Variants in ROBO2 observed in about 807,000 individuals in gnomAD.
The protein encoded by ROBO2 is roundabout guidance receptor 2.
In ROBO2, 53 loss-of-function variants were observed where a neutral mutation model predicts 160.8. The ratio of observed to expected loss-of-function variants is 0.33; its 90% CI spans 0.26 to 0.41. The LOEUF (loss-of-function observed/expected upper bound fraction) is 0.41, where lower values mean the gene tolerates loss of function less well. ROBO2 is among the 10% of genes least tolerant of loss of function. ROBO2 has a pLI of 1.00. For synonymous variants in ROBO2, 664 were observed against 611.7 expected (o/e 1.09, Z -1.26); for missense variants, 1,577 against 1,722.4 (o/e 0.92, Z 1.49).
chr3:76,252,668 A>G (rs1359512491), intron 2 of ROBO2, among the ~76,000 whole-genome samples: 7 of 151,940 alleles, frequency 4.6e-5, no homozygotes, highest in African/African-American at 9.7e-5. Flanking sequence ...TGAGAAGCAT[A>G]TATGTATATA....
intron 2 of ROBO2, among the ~76,000 whole-genome samples, chr3:76,669,958 G>A (rs1268951705): frequency 3.3e-5 from 5 of 152,026 alleles, no homozygotes; most frequent in African/African-American, 7.2e-5. Flanking sequence ...TTTCTCAAAT[G>A]TGCTTCTTAC....
chr3:76,251,176 A>T (rs928884759), intron 2 of ROBO2, among the ~76,000 whole-genome samples: 1 of 152,062 alleles, frequency 6.6e-6, no homozygotes, highest in Non-Finnish European at 1.5e-5. Flanking sequence ...GTAACTGAAG[A>T]TAGATGACCA....
intron 2 of ROBO2, among the ~76,000 whole-genome samples, chr3:76,671,382 C>G (rs962278648): frequency 3.3e-5 from 5 of 152,096 alleles, no homozygotes; most frequent in African/African-American, 1.2e-4. Context: ...AAACTTACCT[C>G]TTTTTTAATA....
chr3:76,626,746 G>T (rs1393116645), intron 2 of ROBO2, among the ~76,000 whole-genome samples: 2 of 151,782 alleles, frequency 1.3e-5, no homozygotes, highest in African/African-American at 4.8e-5. Flanking sequence ...AGGCTGGAGT[G>T]CAGTGGCGTG....
chr3:76,753,293 A>G (rs994187231), intron 2 of ROBO2, among the ~76,000 whole-genome samples: 1 of 151,926 alleles, frequency 6.6e-6, no homozygotes, highest in East Asian at 1.9e-4. Context: ...AAAGTTTTAA[A>G]ATATTTTAAA....
intron 2 of ROBO2, among the ~76,000 whole-genome samples, chr3:76,487,907 A>C (rs998275313): frequency 1.3e-5 from 2 of 152,188 alleles, no homozygotes; most frequent in Admixed American, 1.3e-4. Context: ...CACCAGCAAG[A>C]GAGACTCTCT....
At chr3:77,413,422 C>T (rs1392721418) in intron 2 of ROBO2, among the ~76,000 whole-genome samples, 1 of 152,026 alleles carries the variant, frequency 6.6e-6, no homozygotes, top group Non-Finnish European at 1.5e-5. Flanking sequence ...TGAGCAGGGG[C>T]CAGGTCATGG....
At chr3:76,836,817 G>T (rs773786608) in intron 2 of ROBO2, among the ~76,000 whole-genome samples, 1 of 151,400 alleles carries the variant, frequency 6.6e-6, no homozygotes, top group Non-Finnish European at 1.5e-5. Context: ...ATGTTCTATC[G>T]CAGTAAACAT....
At chr3:77,353,895 T>C (rs1051781239) in intron 2 of ROBO2, among the ~76,000 whole-genome samples, 1 of 152,008 alleles carries the variant, frequency 6.6e-6, no homozygotes, top group East Asian at 1.9e-4. Flanking sequence ...TTCTGAAATC[T>C]CTTCTTGGAT....
chr3:76,684,130 T>C (rs1224233584), intron 2 of ROBO2, among the ~76,000 whole-genome samples: 1 of 151,930 alleles, frequency 6.6e-6, no homozygotes, highest in Non-Finnish European at 1.5e-5. Context: ...AATGAGTCTA[T>C]TGATTAAAAA....
intron 2 of ROBO2, among the ~76,000 whole-genome samples, chr3:76,058,905 T>C (rs2067962024): frequency 6.7e-6 from 1 of 149,810 alleles, no homozygotes; most frequent in Non-Finnish European, 1.5e-5. Flanking sequence ...TGGTGTTTGG[T>C]TTTTTGTCTT....
At chr3:77,474,657 T>TAC (rs9286680) in intron 2 of ROBO2, among the ~76,000 whole-genome samples, 11,610 of 128,484 alleles carry the variant, frequency 0.09, 504 homozygotes, top group African/African-American at 0.12. Flanking sequence ...TTAGGGGGAA[T>TAC]ACACACACAC....
In ROBO2 at chr3:76,794,511, A is replaced by G. The variant is rs139761320; in HGVS notation, c.110-303503A>G. ...TGTATCAAGGGTTTTGAAATTTGGG[A>G]TAAAGCTGTATGGGTTATTTTCATT... On this transcript the variant is annotated intron_variant, in intron 2 of 26. Coordinates refer to the ROBO2 transcript ENST00000487694. Among the ~76,000 whole-genome samples, 817 of 152,126 alleles carry G rather than the reference A, an allele frequency of 5.4e-3. 7 individuals are homozygous for G. Among genetic ancestry groups the G allele is most frequent in the African/African-American group, 0.019 (779 of 41,540 alleles).
chr3:76,163,714 A>T (rs1265016176), intron 2 of ROBO2, among the ~76,000 whole-genome samples: 1 of 152,098 alleles, frequency 6.6e-6, no homozygotes, highest in African/African-American at 2.4e-5. Flanking sequence ...CTAAGTGTGC[A>T]ATAGCATTAT....
intron 2 of ROBO2, among the ~76,000 whole-genome samples, chr3:76,898,643 C>T (rs528857101): frequency 1.5e-4 from 23 of 152,000 alleles, no homozygotes; most frequent in Non-Finnish European, 1.9e-4. Context: ...TGGAGTCAAC[C>T]GACCCCCATA....
intron 2 of ROBO2, among the ~76,000 whole-genome samples, chr3:76,815,611 A>T (rs543901520): frequency 6.6e-6 from 1 of 151,858 alleles, no homozygotes; most frequent in East Asian, 1.9e-4. Flanking sequence ...TTCTATTTTA[A>T]ACAAAATCAT....
intron 2 of ROBO2, among the ~76,000 whole-genome samples, chr3:77,454,478 C>G (rs1474451287): frequency 1.3e-5 from 2 of 152,104 alleles, no homozygotes; most frequent in African/African-American, 4.8e-5. Flanking sequence ...TTCATTTAGT[C>G]ATTCTTATAC....
chr3:76,248,660 TAA>T (rs551143290), intron 2 of ROBO2, among the ~76,000 whole-genome samples: 1 of 115,824 alleles, frequency 8.6e-6, no homozygotes, highest in African/African-American at 3.1e-5. Flanking sequence ...AAAAAAAACT[TAA>T]AAAAAAAAAA....
intron 2 of ROBO2, among the ~76,000 whole-genome samples, chr3:77,015,261 C>T (rs1578262035): frequency 1.3e-5 from 2 of 152,120 alleles, no homozygotes; most frequent in South Asian, 4.1e-4. Flanking sequence ...TGATTAATAT[C>T]ATTTAAGGGT....
Sources: allele counts gnomAD v4.1 joint callset (sites outside exome capture counted in the v4.1 genomes callset), GRCh38; gene constraint gnomAD v4.1.1; transcripts MANE v1.5; gene names NCBI Gene and HGNC (gene_info 2026-07-23, HGNC 2026-07-21).